TAS2R1: variants seen among roughly 807,000 people sequenced by gnomAD.
TAS2R1 encodes the protein taste receptor type 2 member 1.
For synonymous variants in TAS2R1, 141 were observed against 134.2 expected (o/e 1.05, Z -0.35); for missense variants, 370 against 353.4 (o/e 1.05, Z -0.38).
chr5:9,705,009 G>A (rs1304612682), intron 1 of TAS2R1, among the ~76,000 whole-genome samples: 1 of 152,158 alleles, frequency 6.6e-6, no homozygotes, highest in Non-Finnish European at 1.5e-5. Flanking sequence ...CACAAGCTAA[G>A]CACTCATTAG....
intron 1 of TAS2R1, among the ~76,000 whole-genome samples, chr5:9,693,567 AAG>A (rs1741297418): frequency 6.6e-6 from 1 of 151,162 alleles, no homozygotes; most frequent in Non-Finnish European, 1.5e-5. Context: ...AAAAGAAAGA[AAG>A]AAAAATAAAT....
At chr5:9,687,623 C>T (rs1579783918) in intron 1 of TAS2R1, among the ~76,000 whole-genome samples, 2 of 152,134 alleles carry the variant, frequency 1.3e-5, no homozygotes, top group South Asian at 4.1e-4. Flanking sequence ...TTGGTCCCTT[C>T]CCTGAGTTTT....
the TAS2R1 span, among the ~76,000 whole-genome samples, chr5:9,774,808 T>C: frequency 1.3e-5 from 2 of 152,230 alleles, no homozygotes; most frequent in Non-Finnish European, 2.9e-5. Context: ...TGTGCTGAGC[T>C]GCCTGAAGCT....
intron 2 of TAS2R1, among the ~76,000 whole-genome samples, chr5:9,644,826 G>C (rs748154949): frequency 6.6e-6 from 1 of 152,118 alleles, no homozygotes; most frequent in Non-Finnish European, 1.5e-5. Flanking sequence ...CGAGAGCAGA[G>C]TAGGTGAGTC....
At chr5:9,661,985 G>A (rs1028530809) in intron 1 of TAS2R1, among the ~76,000 whole-genome samples, 1 of 152,170 alleles carries the variant, frequency 6.6e-6, no homozygotes, top group African/African-American at 2.4e-5. Flanking sequence ...TTCACCAGGG[G>A]TCACTCATGT....
chr5:9,867,133 C>T, the TAS2R1 span: 7 of 152,194 alleles, frequency 4.6e-5, no homozygotes, highest in East Asian at 1.3e-3. Context: ...TGGGAACTTA[C>T]ATTTCAGGAG....
intron 1 of TAS2R1, among the ~76,000 whole-genome samples, chr5:9,672,456 A>T (rs376095170): frequency 3.5e-4 from 54 of 152,310 alleles, no homozygotes; most frequent in African/African-American, 1.0e-3. Flanking sequence ...AAACGACCCC[A>T]TCAAAAAGTG....
At chr5:9,637,325 G>C (rs1385828012) in intron 2 of TAS2R1, among the ~76,000 whole-genome samples, 1 of 152,024 alleles carries the variant, frequency 6.6e-6, no homozygotes, top group Non-Finnish European at 1.5e-5. Flanking sequence ...CTCCTTTAAG[G>C]GTTATCTGAT....
At chr5:9,649,918 A>C (rs1740267882) in intron 2 of TAS2R1, among the ~76,000 whole-genome samples, 1 of 152,204 alleles carries the variant, frequency 6.6e-6, no homozygotes, top group Non-Finnish European at 1.5e-5. Flanking sequence ...ATACTTAACA[A>C]ATGTGCCTGT....
the TAS2R1 span, among the ~76,000 whole-genome samples, chr5:9,879,433 C>T: frequency 1.3e-5 from 2 of 152,306 alleles, no homozygotes; most frequent in African/African-American, 2.4e-5. Context: ...CATCTGCAAG[C>T]TCCAGTTTGC....
At chr5:9,675,435 T>G (rs1740856286) in intron 1 of TAS2R1, among the ~76,000 whole-genome samples, 1 of 150,502 alleles carries the variant, frequency 6.6e-6, no homozygotes, top group African/African-American at 2.4e-5. Flanking sequence ...TTTTTTTTTT[T>G]GAGATGGAGT....
the TAS2R1 span, among the ~76,000 whole-genome samples, chr5:9,852,854 T>A: frequency 3.1e-3 from 467 of 149,966 alleles, 1 homozygote; most frequent in Middle Eastern, 6.8e-3. Flanking sequence ...AAAAAAAAAA[T>A]ATATATATAT....
intron 1 of TAS2R1, among the ~76,000 whole-genome samples, chr5:9,689,566 C>A (rs1741194624): frequency 6.6e-6 from 1 of 152,030 alleles, no homozygotes; most frequent in Non-Finnish European, 1.5e-5. Context: ...AAATTCATAT[C>A]ATTATTTTTG....
intron 1 of TAS2R1, among the ~76,000 whole-genome samples, chr5:9,704,494 C>T (rs1741560336): frequency 1.3e-5 from 2 of 152,106 alleles, no homozygotes; most frequent in African/African-American, 4.8e-5. Context: ...ACCCTCAAAG[C>T]ACAGCAAAAG....
the TAS2R1 span, among the ~76,000 whole-genome samples, chr5:9,729,603 G>T: frequency 6.6e-6 from 1 of 152,032 alleles, no homozygotes; most frequent in Non-Finnish European, 1.5e-5. Context: ...TTAAGTTTTA[G>T]GGTACATGTG....
chr5:9,847,595 G>A, the TAS2R1 span, among the ~76,000 whole-genome samples: 3 of 152,358 alleles, frequency 2.0e-5, no homozygotes, highest in East Asian at 5.8e-4. Context: ...ACTCTCACCA[G>A]GGACTGGCTT....
intron 1 of TAS2R1, among the ~76,000 whole-genome samples, chr5:9,666,985 T>TA (rs1348820372): frequency 1.3e-5 from 2 of 152,084 alleles, no homozygotes; most frequent in Admixed American, 6.6e-5. Context: ...AAATTTTTTT[T>TA]AAAAAAAGAT....
At chr5:9,799,415 A>G in the TAS2R1 span, among the ~76,000 whole-genome samples, 2 of 152,234 alleles carry the variant, frequency 1.3e-5, no homozygotes, top group African/African-American at 4.8e-5. Flanking sequence ...ACATCATCTA[A>G]GAAAGCCAAA....
the TAS2R1 span, among the ~76,000 whole-genome samples, chr5:9,793,947 T>C: frequency 5.9e-5 from 9 of 152,104 alleles, no homozygotes; most frequent in Non-Finnish European, 4.4e-5. Flanking sequence ...TTCAGAAACA[T>C]TGTACTCAGG....
Sources: allele counts gnomAD v4.1 joint callset (sites outside exome capture counted in the v4.1 genomes callset), GRCh38; gene constraint gnomAD v4.1.1; transcripts MANE v1.5; gene names NCBI Gene and HGNC (gene_info 2026-07-23, HGNC 2026-07-21).